CFAP47: variants seen among roughly 807,000 people sequenced by gnomAD.
The protein encoded by CFAP47 is cilia and flagella associated protein 47.
Under a neutral mutation model 148.1 loss-of-function variants are expected in CFAP47, and 29 were observed. The observed-to-expected ratio is 0.20, with a 90% confidence interval of 0.15 to 0.27. The LOEUF (loss-of-function observed/expected upper bound fraction) is 0.27. CFAP47 is among the 10% of genes least tolerant of loss of function. The pLI is 1.00. For missense variants in CFAP47, 1,872 were observed against 1,697.5 expected (o/e 1.10, Z -1.81); for synonymous variants, 664 against 577.3 (o/e 1.15, Z -2.15).
intron 22 of CFAP47, among the ~76,000 whole-genome samples, chrX:36,022,395 C>A (rs1266685135): frequency 9.0e-6 from 1 of 111,518 alleles, no homozygotes; most frequent in East Asian, 2.8e-4. Context: ...CTTTTGTCTG[C>A]TTTTAGGATT....
intron 39 of CFAP47, among the ~76,000 whole-genome samples, chrX:36,172,097 T>A (rs1241123959): frequency 9.2e-6 from 1 of 108,576 alleles, no homozygotes; most frequent in Non-Finnish European, 1.9e-5. Flanking sequence ...TGGCTCTCTG[T>A]TTGTCTGTCG....
At chrX:36,200,537 T>C (rs1555987902) in intron 43 of CFAP47, 44 bp downstream of exon 43, 7 of 291,964 alleles carry the variant, frequency 2.4e-5, no homozygotes, top group African/African-American at 5.5e-5. Flanking sequence ...TGTTGAAGAA[T>C]GGACTTTTCC....
chrX:35,970,956 G>A, intron 11 of CFAP47, 33 bp downstream of exon 11: 1 of 1,140,550 alleles, frequency 8.8e-7, no homozygotes, highest in Non-Finnish European at 1.2e-6. Flanking sequence ...ATATGCAACA[G>A]ATCATGGTGT....
At chrX:36,145,424 C>T (rs1259818512) in intron 36 of CFAP47, 71 bp downstream of exon 36, 3 of 289,241 alleles carry the variant, frequency 1.0e-5, no homozygotes, top group Non-Finnish European at 1.8e-5. Flanking sequence ...TATTTCTTTC[C>T]CAACCCAAAA....
chrX:36,281,118 A>T (rs1319931576), intron 50 of CFAP47, among the ~76,000 whole-genome samples: 1 of 111,947 alleles, frequency 8.9e-6, no homozygotes, highest in Non-Finnish European at 1.9e-5. Flanking sequence ...TAAGGTGATG[A>T]GGAGTTGGAA....
At chrX:36,088,116 T>G (rs1011502896) in intron 30 of CFAP47, among the ~76,000 whole-genome samples, 2 of 111,624 alleles carry the variant, frequency 1.8e-5, no homozygotes, top group Non-Finnish European at 3.8e-5. Flanking sequence ...TTTACATTAG[T>G]TATCTTTTTA....
At chrX:36,046,606 A>G (rs753248179) in intron 25 of CFAP47, among the ~76,000 whole-genome samples, 2 of 111,390 alleles carry the variant, frequency 1.8e-5, no homozygotes, top group Non-Finnish European at 3.8e-5. Flanking sequence ...CAGGTGTCAC[A>G]TGTCTTTTTA....
chrX:36,177,853 A>G (rs2146865735), intron 39 of CFAP47, among the ~76,000 whole-genome samples: 1 of 111,794 alleles, frequency 8.9e-6, no homozygotes, highest in Admixed American at 9.5e-5. Flanking sequence ...AGATAAGCAA[A>G]TCATTCTACC....
chrX:36,207,651 A>C (rs146412377), intron 45 of CFAP47, among the ~76,000 whole-genome samples: 2 of 111,155 alleles, frequency 1.8e-5, no homozygotes, highest in Non-Finnish European at 3.8e-5. Context: ...CTAATTTTAC[A>C]TTATTGCTCT....
intron 22 of CFAP47, among the ~76,000 whole-genome samples, chrX:36,030,070 A>G (rs1444037575): frequency 9.1e-6 from 1 of 109,776 alleles, no homozygotes; most frequent in Non-Finnish European, 1.9e-5. Flanking sequence ...ATATCTATTG[A>G]CCCTTGCCTG....
intron 62 of CFAP47, among the ~76,000 whole-genome samples, chrX:36,371,737 T>TATACAC (rs1941950946): frequency 1.8e-5 from 1 of 55,980 alleles, no homozygotes; most frequent in Non-Finnish European, 3.2e-5. Context: ...CATGTGTGTA[T>TATACAC]ATATGTGTGT....
At chrX:36,362,265 A>G (rs781898250) in intron 61 of CFAP47, among the ~76,000 whole-genome samples, 4 of 112,511 alleles carry the variant, frequency 3.6e-5, no homozygotes, top group Non-Finnish European at 5.6e-5. Context: ...TTACATGGGT[A>G]TGTTGCACTC....
chrX:36,072,272 AG>A (rs1374001969), intron 28 of CFAP47, among the ~76,000 whole-genome samples: 2 of 112,178 alleles, frequency 1.8e-5, no homozygotes, highest in East Asian at 5.6e-4. Context: ...ATGTAAGAGT[AG>A]TACTTATGTG....
chrX:36,272,386 G>A (rs1556002007), intron 49 of CFAP47, among the ~76,000 whole-genome samples: 1 of 111,394 alleles, frequency 9.0e-6, no homozygotes, highest in East Asian at 2.8e-4. Context: ...AATAACATTT[G>A]ATTATTAAGA....
chrX:35,975,868 G>T lies in CFAP47; in HGVS notation c.2668G>T (p.Val890Leu). Residue 890 changes from valine to leucine, a missense_variant, in exon 15 of 64, where the codon GTA becomes TTA. Physicochemically the swap from Val to Leu is conservative, Grantham distance 32. Coordinates refer to ENST00000378653, the MANE Select transcript of CFAP47 (RefSeq NM_001304548.2). ...NCCAQFQWQPVNTGRGIAFSI... is the reference protein window; with the variant it reads ...NCCAQFQWQPLNTGRGIAFSI... Reference sequence around the variant, plus strand: ...TTGTGCTCAGTTTCAATGGCAACCCGTAAACACAGGAAGAGGGATAGCATT... The same window carrying T: ...TTGTGCTCAGTTTCAATGGCAACCCTTAAACACAGGAAGAGGGATAGCATT... 1 of 1,209,518 alleles carries T rather than the reference G, an allele frequency of 8.3e-7. No homozygotes were observed. The highest frequency in any genetic ancestry group is 3.0e-5 in the East Asian group (1 of 33,819).
intron 60 of CFAP47, 23 bp from the exon 61 acceptor site, chrX:36,361,307 T>G: frequency 1.1e-6 from 1 of 918,613 alleles, no homozygotes; most frequent in Non-Finnish European, 1.5e-6. Flanking sequence ...AATTGAAATA[T>G]ATTTTCATCT....
At chrX:36,234,946 G>A (rs910135114) in intron 46 of CFAP47, among the ~76,000 whole-genome samples, 2 of 111,479 alleles carry the variant, frequency 1.8e-5, no homozygotes, top group African/African-American at 3.3e-5. Context: ...CGTGAACTGC[G>A]AATGCTGCTG....
chrX:35,925,653 G>A, intron 1 of CFAP47, among the ~76,000 whole-genome samples: 1 of 111,770 alleles, frequency 8.9e-6, no homozygotes, highest in East Asian at 2.8e-4. Context: ...AGTTGCTAAC[G>A]TTATTTATTT....
At chrX:36,366,861 A>G in intron 61 of CFAP47, 105 bp from the exon 62 acceptor site, 1 of 417,983 alleles carries the variant, frequency 2.4e-6, no homozygotes, top group Non-Finnish European at 3.8e-6. Context: ...GTTTTCACTG[A>G]AACCACAGAG....
Sources: allele counts gnomAD v4.1 joint callset (sites outside exome capture counted in the v4.1 genomes callset), GRCh38; gene constraint gnomAD v4.1.1; transcripts MANE v1.5; gene names NCBI Gene and HGNC (gene_info 2026-07-23, HGNC 2026-07-21).